PCSK9: variants seen among roughly 807,000 people sequenced by gnomAD.
The protein encoded by PCSK9 is convertase subtilisin/kexin type 9 preproprotein.
PCSK9 carries 57 observed loss-of-function variants against 62.1 expected under a neutral mutation model. The observed-to-expected ratio is 0.92, with a 90% confidence interval of 0.74 to 1.14. The LOEUF (loss-of-function observed/expected upper bound fraction) is 1.14. Ranked by LOEUF, PCSK9 falls within the 50% of genes most tolerant of loss-of-function variation. PCSK9 has a pLI of 0.00. For synonymous variants in PCSK9, 387 were observed against 409.4 expected, an observed-to-expected ratio of 0.95 and a Z score of 0.66; for missense variants, 870 against 959.8, an observed-to-expected ratio of 0.91 and a Z score of 1.24.
chr1:55,058,428 A>G lies in PCSK9; in HGVS notation c.1355-71A>G, dbSNP rs1644732754. 1.1e-5 allele frequency: 17 copies of G among 1,604,848 alleles called. No individual in the cohort carries two copies. The South Asian group carries it at 1.9e-4, about 18-fold the overall frequency. On this transcript the variant is annotated intron_variant, in intron 8 of 11. Coordinates refer to ENST00000302118, the MANE Select transcript of PCSK9 (RefSeq NM_174936.4). ...TCTTTAAGCCCTCCTCTCTCCTACC[A>G]TGAACTAAAGATTTCTGTGGAGGTC...
chr1:55,057,468 C>G lies in PCSK9; in HGVS notation c.1134C>G (p.Cys378Trp), dbSNP rs776752113. ...GTGCCTCCAGCGACTGCAGCACCTG[C>G]TTTGTGTCACAGAGTGGGACATCAC... is the stretch of plus-strand genomic sequence containing the variant. ...IIGASSDCST[C>W]FVSQSGTSQA... The change falls in exon 7 of 12, where the codon TGC becomes TGG. Residue 378 changes from cysteine to tryptophan, a missense_variant. Coordinates refer to ENST00000302118, the MANE Select transcript of PCSK9 (RefSeq NM_174936.4). 3.7e-6 allele frequency: 6 copies of G among 1,613,956 alleles called. No individual in the cohort carries two copies. In the East Asian group the frequency reaches 1.3e-4, roughly 36 times the overall value.
chr1:55,054,111 C>A (rs200158301), intron 5 of PCSK9, among the ~76,000 whole-genome samples: 1 of 152,160 alleles, frequency 6.6e-6, no homozygotes, highest in Non-Finnish European at 1.5e-5. Context: ...AGGCTGGGCG[C>A]GGTGGCTCAT....
intron 1 of PCSK9, among the ~76,000 whole-genome samples, chr1:55,041,469 A>C (rs1644597775): frequency 6.6e-6 from 1 of 152,176 alleles, no homozygotes; most frequent in Non-Finnish European, 1.5e-5. Context: ...TGAGTACCCC[A>C]TCCTGAGAGG....
chr1:55,061,247 T>C, intron 10 of PCSK9, 128 bp from the exon 11 acceptor site: 4 of 1,084,734 alleles, frequency 3.7e-6, no homozygotes, highest in Non-Finnish European at 5.2e-6. Context: ...TCTCTTTTTT[T>C]CTTTGAGTTG....
At chr1:55,049,779 G>A (rs893997977) in intron 3 of PCSK9, among the ~76,000 whole-genome samples, 9 of 152,196 alleles carry the variant, frequency 5.9e-5, no homozygotes, top group African/African-American at 2.2e-4. Flanking sequence ...GGCAGGAACC[G>A]CCTGCACTTA....
In PCSK9 at chr1:55,064,839, A is replaced by G. The variant is rs1644790521; in HGVS notation, c.*1255A>G. 1 of 152,220 alleles carries G rather than the reference A, an allele frequency of 6.6e-6. No individual in the cohort carries two copies. The highest frequency in any genetic ancestry group is 1.5e-5 in the Non-Finnish European group (1 of 68,040). 9.4% of individuals were successfully genotyped at this position (152,220 alleles called of 1,614,324 possible). A position where few individuals can be genotyped will look rare whatever the true frequency, so the allele number is the denominator to read the frequency against. ...GTGACTTTTTAAAATAAAAACAAACAAACGTTGTCCTAACTCTTGCATAGA... is the reference window on the plus strand; with the variant it reads ...GTGACTTTTTAAAATAAAAACAAACGAACGTTGTCCTAACTCTTGCATAGA... On this transcript the variant is annotated 3_prime_UTR_variant, in exon 12 of 12. Transcript: ENST00000302118.
chr1:55,057,404 G>A lies in PCSK9; in HGVS notation c.1070G>A (p.Arg357His), dbSNP rs370507566. The stretch of plus-strand genomic sequence containing the variant: ...GGGACTTTGGGGACCAACTTTGGCC[G>A]CTGTGTGGACCTCTTTGCCCCAGGG... ...TLGTLGTNFG[R>H]CVDLFAPGED... Residue 357 changes from arginine to histidine, a missense_variant, in exon 7 of 12, where the codon CGC (arginine) becomes CAC (histidine). Arg to His is a conservative substitution (Grantham distance 29, BLOSUM62 0). Transcript: ENST00000302118. The A allele has an allele frequency of 2.8e-5, 45 of 1,614,032 alleles. No homozygotes were observed. Among genetic ancestry groups the A allele is most frequent in the Non-Finnish European group, 3.5e-5 (41 of 1,180,040 alleles).
In PCSK9 at chr1:55,052,487, C is replaced by A. The variant is rs11806638; in HGVS notation, c.657+76C>A. 0.069 allele frequency: 111,597 copies of A among 1,606,636 alleles called. 6,838 individuals are homozygous for A. Among genetic ancestry groups the A allele is most frequent in the African/African-American group, 0.33 (24,380 of 74,804 alleles). On this transcript the variant is annotated intron_variant, in intron 4 of 11. Coordinates refer to ENST00000302118, the MANE Select transcript of PCSK9 (RefSeq NM_174936.4). ...TGGAGGTGGGTGGGGACTGCCACCCCAGAGCGTTGCAGCTGTACTCCTGGG... is the reference window on the plus strand; with the variant it reads ...TGGAGGTGGGTGGGGACTGCCACCCAAGAGCGTTGCAGCTGTACTCCTGGG...
intron 3 of PCSK9, 141 bp downstream of exon 3, chr1:55,046,787 T>TCCCATC: frequency 1.1e-6 from 1 of 935,764 alleles, no homozygotes; most frequent in South Asian, 1.6e-5. Flanking sequence ...TTTTTTTCTG[T>TCCCATC]CCCATCCCCA....
At position 55,053,432 on chromosome 1, in the gene PCSK9, G is replaced by A. The variant is rs1284397833; in HGVS notation, c.799+641G>A. Among the ~76,000 whole-genome samples, 5 of 152,206 alleles carry A rather than the reference G, an allele frequency of 3.3e-5. No homozygotes were observed. The East Asian group carries it at 9.6e-4, about 29-fold the overall frequency. On this transcript the variant is annotated intron_variant, in intron 5 of 11. Transcript: ENST00000302118. ...AGGCCTCTGTACAGCATGTCCTGGGGCTGGCCTTGCCGTAGCTGCTAAATA... is the reference window on the plus strand; with the variant it reads ...AGGCCTCTGTACAGCATGTCCTGGGACTGGCCTTGCCGTAGCTGCTAAATA...
chr1:55,061,677 A>G (rs1438713661), intron 11 of PCSK9, 121 bp downstream of exon 11: 3 of 1,288,218 alleles, frequency 2.3e-6, no homozygotes, highest in Non-Finnish European at 3.3e-6. Context: ...TGCCAGGTAG[A>G]TGCTGTGGGC....
Position 55,056,096 on chromosome 1 carries a change from C to T in PCSK9, c.903C>T (p.Cys301=), listed in dbSNP as rs776484622. 5 of 1,589,570 alleles carry T rather than the reference C, an allele frequency of 3.1e-6. No individual in the cohort carries two copies. The highest frequency in any genetic ancestry group is 4.3e-6 in the Non-Finnish European group (5 of 1,163,626). ...ACAGCCGCGTCCTCAACGCCGCCTG[C>T]CAGCGCCTGGCGAGGGCTGGGGTCG... is the stretch of plus-strand genomic sequence containing the variant. ...GGYSRVLNAA[C]QRLARAGVVL... is the part of the protein sequence containing the mutation. The change falls in exon 6 of 12, where the codon TGC becomes TGT. Residue 301 remains cysteine, a synonymous_variant. Coordinates refer to ENST00000302118, the MANE Select transcript of PCSK9 (RefSeq NM_174936.4).
At chr1:55,055,479 C>T (rs944746542) in intron 5 of PCSK9, among the ~76,000 whole-genome samples, 4 of 152,006 alleles carry the variant, frequency 2.6e-5, no homozygotes, top group Non-Finnish European at 4.4e-5. Context: ...GAGAAGGGCC[C>T]GGGGTTGGCT....
chr1:55,044,747 T>G (rs776683819), intron 2 of PCSK9, among the ~76,000 whole-genome samples: 2 of 152,158 alleles, frequency 1.3e-5, no homozygotes, highest in Non-Finnish European at 2.9e-5. Flanking sequence ...GGCCCCACGG[T>G]CTTGTCCAAG....
intron 3 of PCSK9, among the ~76,000 whole-genome samples, chr1:55,047,855 T>G (rs535359199): frequency 6.6e-6 from 1 of 152,264 alleles, no homozygotes; most frequent in Non-Finnish European, 1.5e-5. Flanking sequence ...AGCCTGTTCC[T>G]TTCCAACCAG....
intron 11 of PCSK9, among the ~76,000 whole-genome samples, chr1:55,062,934 G>A (rs562318675): frequency 7.2e-5 from 11 of 152,242 alleles, no homozygotes; most frequent in African/African-American, 2.6e-4. Context: ...CAGGCGTTGG[G>A]GCGGGGCTCA....
intron 6 of PCSK9, among the ~76,000 whole-genome samples, chr1:55,057,068 C>CCAGT (rs10674598): frequency 6.6e-6 from 1 of 151,888 alleles, no homozygotes; most frequent in Non-Finnish European, 1.5e-5. Context: ...CGAATAGTTT[C>CCAGT]CTATCTCCCC....
At chr1:55,042,800 T>C (rs899556461) in intron 1 of PCSK9, among the ~76,000 whole-genome samples, 1 of 152,206 alleles carries the variant, frequency 6.6e-6, no homozygotes, top group African/African-American at 2.4e-5. Flanking sequence ...CCAAATCTCA[T>C]GTGGAAATTT....
In PCSK9 at chr1:55,063,669, C is replaced by A; in HGVS notation, c.*85C>A. On this transcript the variant is annotated 3_prime_UTR_variant, in exon 12 of 12. Transcript: ENST00000302118. ...TGGTTCCGACTTGTCCCTCTCTCAG[C>A]CCTCCATGGCCTGGCACGAGGGGAT... 1 of 1,422,434 alleles carries A rather than the reference C, an allele frequency of 7.0e-7. No individual in the cohort carries two copies. The highest frequency in any genetic ancestry group is 9.5e-7 in the Non-Finnish European group (1 of 1,056,356). 88.1% of individuals were successfully genotyped at this position (1,422,434 alleles called of 1,614,324 possible). A position where few individuals can be genotyped will look rare whatever the true frequency, so the allele number is the denominator to read the frequency against.
Sources: gnomAD v4.1 joint callset for allele counts (sites outside exome capture counted in the v4.1 genomes callset) on GRCh38, gnomAD v4.1.1 for gene constraint, MANE v1.5 for transcripts, NCBI Gene and HGNC (gene_info 2026-07-23, HGNC 2026-07-21) for gene names.